Variants in NIBAN1 observed in about 807,000 individuals in gnomAD.
NIBAN1 encodes the protein niban apoptosis regulator 1.
A neutral mutation model predicts 75.1 loss-of-function variants in NIBAN1; 81 were observed. The observed-to-expected ratio is 1.08, with a 90% CI of 0.90 to 1.30. The LOEUF is 1.30. Among genes scored for constraint, NIBAN1 ranks in the 50% most tolerant of loss-of-function variants. The pLI is 0.00. For missense variants in NIBAN1, 1,133 were observed against 1,128.1 expected, an observed-to-expected ratio of 1.00 and a Z score of -0.06; for synonymous variants, 436 against 424.8, an observed-to-expected ratio of 1.03 and a Z score of -0.32.
intron 9 of NIBAN1, among the ~76,000 whole-genome samples, chr1:184,813,434 T>A (rs1654438875): frequency 6.6e-6 from 1 of 152,244 alleles, no homozygotes; most frequent in African/African-American, 2.4e-5. Context: ...GATAATAGGT[T>A]TGCTAACTGC....
At chr1:184,876,913 G>A (rs1656248462) in intron 5 of NIBAN1, among the ~76,000 whole-genome samples, 1 of 152,102 alleles carries the variant, frequency 6.6e-6, no homozygotes, top group African/African-American at 2.4e-5. Flanking sequence ...TAACCTTGGT[G>A]CAAAAATCCA....
chr1:184,876,000 G>C (rs234649), intron 5 of NIBAN1, among the ~76,000 whole-genome samples: 15,024 of 151,848 alleles, frequency 0.099, 1,122 homozygotes, highest in African/African-American at 0.2. Context: ...ATGGAGAAAC[G>C]TTGTCTCTGC....
chr1:184,876,687 C>CA lies in NIBAN1; in HGVS notation c.601+7945dup, dbSNP rs773132917. 9.3e-3 allele frequency among the ~76,000 whole-genome samples: 1,261 copies of CA among 134,920 alleles called. 10 individuals carry two copies. Among genetic ancestry groups the CA allele is most frequent in the African/African-American group, 0.018 (664 of 36,564 alleles). 88.5% of individuals were successfully genotyped at this position (134,920 alleles called of 152,430 possible). A position where few individuals can be genotyped will look rare whatever the true frequency, so the allele number is the denominator to read the frequency against. On this transcript the variant is annotated intron_variant, in intron 5 of 13. Transcript: ENST00000367511. ...CTGCACTCCAGCCAAGACTCCATCT[C>CA]AAAAAAAAAAAAGAAATTGAAAAAC... is the stretch of plus-strand genomic sequence containing the variant.
intron 6 of NIBAN1, among the ~76,000 whole-genome samples, chr1:184,829,459 A>G (rs1301347452): frequency 8.0e-6 from 1 of 125,102 alleles, no homozygotes; most frequent in African/African-American, 2.8e-5. Flanking sequence ...TTAAATACAT[A>G]TATTCTTTTT....
chr1:184,974,170 C>T, intron 1 of NIBAN1, 132 bp downstream of exon 1: 1 of 937,954 alleles, frequency 1.1e-6, no homozygotes, highest in Non-Finnish European at 1.4e-6. Context: ...CTCGCGCGGG[C>T]GGGCTGCGGT....
intron 1 of NIBAN1, among the ~76,000 whole-genome samples, chr1:184,958,851 T>A (rs373330519): frequency 3.0e-4 from 45 of 152,362 alleles, no homozygotes; most frequent in African/African-American, 1.0e-3. Flanking sequence ...TTTAAATATT[T>A]ATACTCCAGA....
chr1:184,886,821 C>T (rs892532959), intron 4 of NIBAN1, among the ~76,000 whole-genome samples: 8 of 152,072 alleles, frequency 5.3e-5, no homozygotes, highest in Non-Finnish European at 1.0e-4. Flanking sequence ...TCTACAGAAC[C>T]GCATCAGTTC....
chr1:184,872,139 G>A (rs959532923), intron 5 of NIBAN1, among the ~76,000 whole-genome samples: 13 of 150,752 alleles, frequency 8.6e-5, no homozygotes, highest in Admixed American at 5.3e-4. Context: ...TAGCAAACAC[G>A]GAATATAAAA....
At chr1:184,879,818 A>G (rs1290237415) in intron 5 of NIBAN1, among the ~76,000 whole-genome samples, 1 of 152,222 alleles carries the variant, frequency 6.6e-6, no homozygotes, top group Non-Finnish European at 1.5e-5. Flanking sequence ...TTATAGCTCC[A>G]CATTCCACCT....
chr1:184,830,126 T>C (rs1346223807), intron 6 of NIBAN1, among the ~76,000 whole-genome samples: 1 of 152,246 alleles, frequency 6.6e-6, no homozygotes, highest in African/African-American at 2.4e-5. Context: ...TTAGCTGTTA[T>C]ATGCTTCCCT....
At chr1:184,798,507 G>T (rs889842312) in intron 12 of NIBAN1, among the ~76,000 whole-genome samples, 1 of 152,158 alleles carries the variant, frequency 6.6e-6, no homozygotes, top group Non-Finnish European at 1.5e-5. Flanking sequence ...CTTCATGGGA[G>T]AAGACAGCAG....
chr1:184,828,009 C>T (rs913277093), intron 6 of NIBAN1, among the ~76,000 whole-genome samples: 35 of 136,544 alleles, frequency 2.6e-4, no homozygotes, highest in Admixed American at 3.3e-4. Context: ...GAATTATGAG[C>T]TGTTCTCTAG....
intron 1 of NIBAN1, among the ~76,000 whole-genome samples, chr1:184,945,101 C>G (rs772078814): frequency 4.7e-4 from 71 of 152,168 alleles, no homozygotes; most frequent in Non-Finnish European, 9.0e-4. Context: ...CACAGAGGCA[C>G]GAAACAGTTA....
intron 1 of NIBAN1, among the ~76,000 whole-genome samples, chr1:184,922,245 A>G (rs977240787): frequency 6.6e-6 from 1 of 152,140 alleles, no homozygotes; most frequent in Non-Finnish European, 1.5e-5. Flanking sequence ...TCTTTGTGTT[A>G]CAAACAATCC....
Position 184,903,143 on chromosome 1 carries a change from A to C in NIBAN1, c.56-3834T>G, listed in dbSNP as rs376856635. On this transcript the variant is annotated intron_variant, in intron 1 of 13. Transcript: ENST00000367511. ...CTTTCCTAAATTGTTTATAAAACAC[A>C]GTGCCAGGTCTTATACTGAAAGGAG... Among the ~76,000 whole-genome samples, 133 of 152,364 alleles carry C rather than the reference A, an allele frequency of 8.7e-4. 1 individual carries two copies. In the South Asian group the frequency reaches 0.027, roughly 31 times the overall value.
intron 6 of NIBAN1, among the ~76,000 whole-genome samples, chr1:184,827,300 G>T (rs950595665): frequency 6.6e-6 from 1 of 151,948 alleles, no homozygotes; most frequent in African/African-American, 2.4e-5. Flanking sequence ...CAAGTGCATC[G>T]CATCCCAACC....
rs1354229945 is a variant in NIBAN1, at chr1:184,795,976, G to C, written c.1788C>G (p.Ser596Arg). ...GAATGGCAGAAGCTCTCCTGGCAGG[G>C]CTGGCCTGGTTTGACCCTGTGGGGG... ...LKPPTGSNQA[S>R]PARRASAILP... The change falls in exon 14 of 14, where the codon AGC (serine) becomes AGG (arginine). Residue 596 changes from serine to arginine, a missense_variant. Coordinates refer to ENST00000367511, the MANE Select transcript of NIBAN1 (RefSeq NM_052966.4). The C allele has an allele frequency of 6.2e-7, 1 of 1,613,972 alleles. No homozygotes were observed. The highest frequency in any genetic ancestry group is 8.5e-7 in the Non-Finnish European group (1 of 1,180,032).
intron 1 of NIBAN1, among the ~76,000 whole-genome samples, chr1:184,945,012 G>A (rs1014594090): frequency 1.3e-5 from 2 of 152,180 alleles, no homozygotes; most frequent in African/African-American, 4.8e-5. Flanking sequence ...TCATATTATT[G>A]ATGAAATAGA....
At chr1:184,799,807 G>A (rs1435733485) in intron 12 of NIBAN1, among the ~76,000 whole-genome samples, 1 of 83,908 alleles carries the variant, frequency 1.2e-5, no homozygotes, top group Non-Finnish European at 2.1e-5. Flanking sequence ...GTGCAGTGGC[G>A]CGATCTAGGC....
Sources: gnomAD v4.1 joint callset for allele counts (sites outside exome capture counted in the v4.1 genomes callset) on GRCh38, gnomAD v4.1.1 for gene constraint, MANE v1.5 for transcripts, NCBI Gene and HGNC (gene_info 2026-07-23, HGNC 2026-07-21) for gene names.